MAPRE3: variants seen among roughly 807,000 people sequenced by gnomAD.
The protein encoded by MAPRE3 is microtubule associated protein RP/EB family member 3.
Under a neutral mutation model 30.5 loss-of-function variants are expected in MAPRE3, and 2 were observed. The ratio of observed to expected loss-of-function variants is 0.07; its 90% confidence interval spans 0.03 to 0.21. The LOEUF (loss-of-function observed/expected upper bound fraction) is 0.21. Among genes scored for constraint, MAPRE3 ranks in the 10% least tolerant of loss-of-function variants. The pLI is 1.00. For synonymous variants in MAPRE3, 110 were observed against 127.7 expected (o/e 0.86, Z 0.93); for missense variants, 204 against 351.8 (o/e 0.58, Z 3.36).
chr2:26,982,927 A>G (rs1396635010), intron 1 of MAPRE3, among the ~76,000 whole-genome samples: 1 of 152,190 alleles, frequency 6.6e-6, no homozygotes, highest in African/African-American at 2.4e-5. Flanking sequence ...TCCCTAATGG[A>G]CAAGAGTGCC....
chr2:27,023,314 A>G lies in MAPRE3; in HGVS notation c.122-18A>G. 6.3e-7 allele frequency: 1 copy of G among 1,590,306 alleles called. No homozygotes were observed. The highest frequency in any genetic ancestry group is 1.3e-5 in the African/African-American group (1 of 74,632). ...AGGAGAGCAGCAAGACCCCTCAGCC[A>G]GCCATCCTTCTCCACAGGGGCAGCC... On this transcript the variant is annotated intron_variant, in intron 2 of 6. Transcript: ENST00000233121.
intron 1 of MAPRE3, among the ~76,000 whole-genome samples, chr2:27,020,499 G>T (rs146393098): frequency 2.0e-5 from 3 of 152,220 alleles, no homozygotes; most frequent in Non-Finnish European, 4.4e-5. Flanking sequence ...TCTTAACAGC[G>T]CAAGTCAGTT....
rs1419887935 is a variant in MAPRE3, at chr2:26,986,278, A to T, written c.-8+15476A>T. Among the ~76,000 whole-genome samples, 5 of 152,146 alleles carry T rather than the reference A, an allele frequency of 3.3e-5. No individual in the cohort carries two copies. Among genetic ancestry groups the T allele is most frequent in the Admixed American group, 3.3e-4 (5 of 15,276 alleles). ...TGGGCCCACTCAGATAATCCAGGAT[A>T]ATCTTCCCATCACAGAAACCTTAAT... On this transcript the variant is annotated intron_variant, in intron 1 of 6. Transcript: ENST00000233121. This position sits in a 1 kb window ranked among gnomAD's most constrained non-coding sequence, Gnocchi z 4.2.
Position 27,026,263 on chromosome 2 carries a change from T to C in MAPRE3, c.778-17T>C, listed in dbSNP as rs753909763. The C allele has an allele frequency of 3.1e-6, 5 of 1,606,128 alleles. 1 individual carries two copies. In the South Asian group the frequency reaches 3.3e-5, roughly 11 times the overall value. ...GCCTGCCTGGCCCACCACTTTCCTC[T>C]CTCTCCCACCCTCCAGGAAGGATTC... On this transcript the variant is annotated splice_polypyrimidine_tract_variant and intron_variant, in intron 6 of 6. Coordinates refer to ENST00000233121, the MANE Select transcript of MAPRE3 (RefSeq NM_012326.4).
In MAPRE3 at chr2:26,995,829, GTA is replaced by G. The variant is rs1553327978; in HGVS notation, c.-8+25029_-8+25030del. 1.2e-3 allele frequency among the ~76,000 whole-genome samples: 178 copies of G among 147,082 alleles called. 2 individuals are homozygous for G. The highest frequency in any genetic ancestry group is 1.6e-3 in the African/African-American group (63 of 38,306). On this transcript the variant is annotated intron_variant, in intron 1 of 6. Transcript: ENST00000233121. ...TGTGTGTGTGTGTGTGTGTGTGTGT[GTA>G]TGTGTGTGTGTTTTGGAAAAGCTCC... is the stretch of plus-strand genomic sequence containing the variant.
At chr2:27,017,741 T>G (rs1297102002) in intron 1 of MAPRE3, among the ~76,000 whole-genome samples, 1 of 152,198 alleles carries the variant, frequency 6.6e-6, no homozygotes, top group Non-Finnish European at 1.5e-5. Context: ...GCATATCAAA[T>G]GAAGGCTGTG....
At chr2:26,990,894 A>G (rs1444384952) in intron 1 of MAPRE3, among the ~76,000 whole-genome samples, 2 of 152,176 alleles carry the variant, frequency 1.3e-5, no homozygotes, top group African/African-American at 4.8e-5. Context: ...CCTTCAGGCT[A>G]TTCTGCCTGT....
rs59415017 is a variant in MAPRE3 at position 26,994,824 on chromosome 2, C to CTT, written c.-8+24041_-8+24042dup. Among the ~76,000 whole-genome samples the CTT allele has an allele frequency of 2.3e-3, 180 of 76,728 alleles. 1 individual carries two copies. Among genetic ancestry groups the CTT allele is most frequent in the African/African-American group, 8.2e-3 (170 of 20,852 alleles). 50.3% of individuals were successfully genotyped at this position (76,728 alleles called of 152,430 possible). ...ATTTTCCTTTCTTCTTCTTCTTCTT[C>CTT]TTTTTTTTTTTTTTTTTTTTAAGAA... On this transcript the variant is annotated intron_variant, in intron 1 of 6. Coordinates refer to ENST00000233121, the MANE Select transcript of MAPRE3 (RefSeq NM_012326.4).
At chr2:27,017,286 G>A (rs555950576) in intron 1 of MAPRE3, among the ~76,000 whole-genome samples, 2 of 152,314 alleles carry the variant, frequency 1.3e-5, no homozygotes, top group East Asian at 3.9e-4. Context: ...GGACCTGAGC[G>A]AGTCCTGAGT....
At chr2:26,972,261 C>T (rs1665928789) in intron 1 of MAPRE3, among the ~76,000 whole-genome samples, 2 of 152,198 alleles carry the variant, frequency 1.3e-5, no homozygotes, top group African/African-American at 4.8e-5. Flanking sequence ...TTCTAAAAAT[C>T]ATGGTGAAGG....
At chr2:26,977,863 G>A (rs1169908432) in intron 1 of MAPRE3, among the ~76,000 whole-genome samples, 2 of 152,210 alleles carry the variant, frequency 1.3e-5, no homozygotes, top group African/African-American at 2.4e-5. Context: ...AACCAGTGGT[G>A]GAGTCTGCCC....
chr2:26,990,822 A>G (rs943880224), intron 1 of MAPRE3, among the ~76,000 whole-genome samples: 1 of 152,194 alleles, frequency 6.6e-6, no homozygotes, highest in Non-Finnish European at 1.5e-5. Flanking sequence ...GCTCTAGTAT[A>G]TCATGTTATG....
At chr2:26,991,196 G>A (rs558344347) in intron 1 of MAPRE3, among the ~76,000 whole-genome samples, 1 of 152,326 alleles carries the variant, frequency 6.6e-6, no homozygotes, top group East Asian at 1.9e-4. Flanking sequence ...AGAGCTTGCA[G>A]TGAGCCGAGT....
At chr2:27,022,075 C>T in intron 1 of MAPRE3, 137 bp from the exon 2 acceptor site, 1 of 925,930 alleles carries the variant, frequency 1.1e-6, no homozygotes, top group Non-Finnish European at 1.6e-6. Flanking sequence ...TAAAGACCCT[C>T]CCTCTGGGGA....
intron 1 of MAPRE3, among the ~76,000 whole-genome samples, chr2:26,996,565 G>A (rs956046857): frequency 2.0e-5 from 3 of 152,170 alleles, no homozygotes; most frequent in Non-Finnish European, 4.4e-5. Flanking sequence ...CACTTTGGGA[G>A]GCTGAGGCGG....
At chr2:26,989,145 A>G (rs1558374080) in intron 1 of MAPRE3, among the ~76,000 whole-genome samples, 1 of 152,046 alleles carries the variant, frequency 6.6e-6, no homozygotes, top group African/African-American at 2.4e-5. Flanking sequence ...GAATGCCACC[A>G]TTTCACCTTT....
chr2:26,987,374 C>A (rs909120676), intron 1 of MAPRE3, among the ~76,000 whole-genome samples: 1 of 152,150 alleles, frequency 6.6e-6, no homozygotes, highest in Non-Finnish European at 1.5e-5. Flanking sequence ...CGGTGGCTCA[C>A]GCTTTTAATC....
chr2:26,993,877 C>T (rs1052089231), intron 1 of MAPRE3, among the ~76,000 whole-genome samples: 10 of 152,180 alleles, frequency 6.6e-5, no homozygotes, highest in African/African-American at 1.4e-4. Context: ...AAAGCAAGAA[C>T]TCATGATGGA....
intron 1 of MAPRE3, among the ~76,000 whole-genome samples, chr2:27,016,568 T>C (rs1028936415): frequency 6.6e-6 from 1 of 152,000 alleles, no homozygotes; most frequent in Non-Finnish European, 1.5e-5. Context: ...GTATTTTTAG[T>C]AGAGACGGGG....
Sources: allele counts gnomAD v4.1 joint callset (sites outside exome capture counted in the v4.1 genomes callset), GRCh38; gene constraint gnomAD v4.1.1; non-coding constraint Gnocchi (gnomAD v3.1); transcripts MANE v1.5; gene names NCBI Gene and HGNC (gene_info 2026-07-23, HGNC 2026-07-21).